The following LZTS2 variants were observed in gnomAD, a reference collection of about 807,000 sequenced individuals.
LZTS2 encodes the protein leucine zipper tumor suppressor 2.
In LZTS2, 32 loss-of-function variants were observed where a neutral mutation model predicts 60.6. That is an observed-to-expected ratio of 0.53 (90% CI 0.40 to 0.71). The LOEUF is 0.71. Among genes scored for constraint, LZTS2 ranks in the 30% least tolerant of loss-of-function variants. The pLI is 0.00. For missense variants in LZTS2, 792 were observed against 901.9 expected (o/e 0.88, Z 1.56); for synonymous variants, 360 against 393.1 (o/e 0.92, Z 1.00).
exon 4 of LZTS2, chr10:101,006,609 C>CGCT: frequency 6.2e-7 from 1 of 1,603,278 alleles, no homozygotes; most frequent in East Asian, 2.2e-5. Context: ...GCCCGTGCTA[C>CGCT]GCTGCGGGTC....
In LZTS2 at chr10:101,007,285, C is replaced by G. The variant is rs1290408329; in HGVS notation, c.*117C>G. Reference sequence around the variant, plus strand: ...GGCTGAGGGCCCCAAAGCCACTTGTCTCCTAGGATCCAGGCCTCTGGGCTT... The same window carrying G: ...GGCTGAGGGCCCCAAAGCCACTTGTGTCCTAGGATCCAGGCCTCTGGGCTT... On this transcript the variant is annotated 3_prime_UTR_variant, in exon 4 of 4. Coordinates refer to ENST00000370220, the Ensembl canonical transcript of LZTS2. The G allele has an allele frequency of 1.3e-5, 18 of 1,424,890 alleles. No individual in the cohort carries two copies. The Admixed American group carries it at 2.3e-4, about 19-fold the overall frequency. The allele number at this position is 1,424,890 out of a possible 1,614,324, so 88.3% of individuals were successfully genotyped here. A position where few individuals can be genotyped will look rare whatever the true frequency, so the allele number is the denominator to read the frequency against.
At chr10:101,004,472 A>G (rs1852126192) in intron 2 of LZTS2, among the ~76,000 whole-genome samples, 1 of 152,042 alleles carries the variant, frequency 6.6e-6, no homozygotes, top group African/African-American at 2.4e-5. Context: ...GTGTGGTGGC[A>G]TGTACCTGTA....
At chr10:100,998,088 G>A (rs1851951420), upstream of LZTS2, among the ~76,000 whole-genome samples, 1 of 152,192 alleles carries the variant, frequency 6.6e-6, no homozygotes. Context: ...ACTCCTTGCG[G>A]GAGTCGGAGT....
exon 1 of LZTS2, chr10:101,001,667 G>A (rs1320849995): frequency 1.3e-5 from 2 of 152,284 alleles, no homozygotes; most frequent in Non-Finnish European, 2.9e-5. Context: ...CTCTGTGGAA[G>A]TGAGGTTTTG....
At position 101,003,531 on chromosome 10, in the gene LZTS2, CCAACAGCCTT is replaced by C. The variant is rs1443253849; in HGVS notation, c.437_446del (p.Thr146SerfsTer31). 6.6e-7 allele frequency: 1 copy of C among 1,524,620 alleles called. No homozygotes were observed. The highest frequency in any genetic ancestry group is 1.3e-5 in the South Asian group (1 of 76,312). The allele number at this position is 1,524,620 out of a possible 1,614,324, so 94.4% of individuals were successfully genotyped here. The stretch of plus-strand genomic sequence containing the variant: ...GAACATGGAGAAGATCCTGATCCGC[CCAACAGCCTT>C]CAAGCCAGTGCTGCCCAAACCTCGA... On this transcript the variant is annotated frameshift_variant, in exon 2 of 4. Transcript: ENST00000370220. LOFTEE classifies it high-confidence loss of function.
At position 101,007,369 on chromosome 10, in the gene LZTS2, G is replaced by T. The variant is rs112842130; in HGVS notation, c.*201G>T. 1.3e-3 allele frequency: 1,802 copies of T among 1,418,040 alleles called. 18 individuals carry two copies. The African/African-American group carries it at 0.024, about 19-fold the overall frequency. The allele number at this position is 1,418,040 out of a possible 1,614,324, so 87.8% of individuals were successfully genotyped here. On this transcript the variant is annotated 3_prime_UTR_variant, in exon 4 of 4. Transcript: ENST00000370220. ...AGGAGCAAGATCAGACCGCTCAAAG[G>T]TCCCCGTGTTCACTGTTACCCAGAG...
chr10:101,005,841 AT>A (rs1852170108), intron 3 of LZTS2, 126 bp downstream of exon 4: 4 of 1,286,294 alleles, frequency 3.1e-6, no homozygotes, highest in Non-Finnish European at 4.1e-6. Flanking sequence ...CCTCCGTGAG[AT>A]GAGGTTCCCC....
chr10:101,005,387 C>T, intron 2 of LZTS2, 71 bp from the exon 4 acceptor site: 1 of 1,479,066 alleles, frequency 6.8e-7, no homozygotes, highest in Non-Finnish European at 8.9e-7. Flanking sequence ...CGGAAGTGGG[C>T]TGCCAGAGCA....
exon 1 of LZTS2, chr10:101,002,566 C>A: frequency 1.3e-6 from 2 of 1,534,156 alleles, no homozygotes; most frequent in Non-Finnish European, 1.8e-6. Context: ...TCTGCCAGTG[C>A]CACTGGAGCC....
rs1852242941 is a variant in LZTS2, at chr10:101,007,296, C to T, written c.*128C>T. 25 of 1,423,102 alleles carry T rather than the reference C, an allele frequency of 1.8e-5. 1 individual carries two copies. The South Asian group carries it at 3.7e-4, about 21-fold the overall frequency. 88.2% of individuals were successfully genotyped at this position (1,423,102 alleles called of 1,614,324 possible). A position where few individuals can be genotyped will look rare whatever the true frequency, so the allele number is the denominator to read the frequency against. ...CCAAAGCCACTTGTCTCCTAGGATC[C>T]AGGCCTCTGGGCTTCTGCCAAGAAC... On this transcript the variant is annotated 3_prime_UTR_variant, in exon 4 of 4. Transcript: ENST00000370220.
exon 4 of LZTS2, chr10:101,007,794 A>T (rs570333866): frequency 9.2e-5 from 38 of 414,884 alleles, no homozygotes; most frequent in Middle Eastern, 8.0e-4. Flanking sequence ...TCTTGTACAA[A>T]CCCAAAGAAA....
At chr10:101,006,532 A>G in exon 4 of LZTS2, 2 of 1,611,548 alleles carry the variant, frequency 1.2e-6, no homozygotes, top group East Asian at 4.5e-5. Flanking sequence ...AGCAGCTGAA[A>G]GAGTCTCAGG....
chr10:101,007,108 G>C, exon 4 of LZTS2: 1 of 1,610,914 alleles, frequency 6.2e-7, no homozygotes, highest in Non-Finnish European at 8.5e-7. Flanking sequence ...TCGCTGACCT[G>C]GGCCTGGCCG....
chr10:101,001,062 A>G (rs1408508989), exon 1 of LZTS2: 6 of 152,240 alleles, frequency 3.9e-5, no homozygotes, highest in Non-Finnish European at 8.8e-5. Flanking sequence ...CCCCCCACCA[A>G]TGGGCCCTCA....
At chr10:101,000,313 T>C (rs202245399) in exon 1 of LZTS2, 1 of 152,214 alleles carries the variant, frequency 6.6e-6, no homozygotes, top group Non-Finnish European at 1.5e-5. Context: ...GGGGTTCCCA[T>C]CTCCCACAGC....
At chr10:100,998,775 A>C (rs1488719863), upstream of LZTS2, 2 of 152,372 alleles carry the variant, frequency 1.3e-5, no homozygotes, top group East Asian at 3.9e-4. Flanking sequence ...TAGGAGACTA[A>C]GTGCACTTGA....
rs140718760 is a variant in LZTS2 at position 101,006,957 on chromosome 10, G to A, written c.1799G>A (p.Arg600Gln). 6.9e-5 allele frequency: 107 copies of A among 1,545,530 alleles called. No individual in the cohort carries two copies. Among genetic ancestry groups the A allele is most frequent in the Admixed American group, 1.6e-4 (8 of 50,596 alleles). The change falls in exon 4 of 4, where the codon CGG (arginine) becomes CAG (glutamine). Residue 600 changes from arginine to glutamine, a missense_variant. By Grantham distance (43) the Arg-to-Gln change is conservative (BLOSUM62 1). Transcript: ENST00000370220. ...CAGCGGGACAGCTTTGAGGGGGAGC[G>A]GCTGGCCTGGCAGGCAGAGAAGGAG...
exon 4 of LZTS2, chr10:101,007,235 C>A (rs933115639): frequency 1.5e-5 from 22 of 1,467,806 alleles, no homozygotes; most frequent in Non-Finnish European, 1.9e-5. Flanking sequence ...CCACTTAGGC[C>A]CCAGGGTCCA....
chr10:101,006,840 A>T, exon 4 of LZTS2: 1 of 1,538,092 alleles, frequency 6.5e-7, no homozygotes, highest in Non-Finnish European at 8.8e-7. Flanking sequence ...GCCAAAGTGC[A>T]GCGGGCAGCA....
Sources: allele counts gnomAD v4.1 joint callset (sites outside exome capture counted in the v4.1 genomes callset), GRCh38; gene constraint gnomAD v4.1.1; transcripts MANE v1.5; gene names NCBI Gene and HGNC (gene_info 2026-07-23, HGNC 2026-07-21).